Variants in ADAMTS9 observed in about 807,000 individuals in gnomAD.
The protein encoded by ADAMTS9 is ADAM metallopeptidase with thrombospondin type 1 motif 9, also known as A disintegrin and metalloproteinase with thrombospondin motifs 9.
ADAMTS9 carries 107 observed loss-of-function variants against 257.1 expected under a neutral mutation model. That is an observed-to-expected ratio of 0.42 (90% confidence interval 0.36 to 0.49). The LOEUF is 0.49. ADAMTS9 is among the 20% of genes least tolerant of loss of function. The pLI is 0.03. For synonymous variants in ADAMTS9, 982 were observed against 880.9 expected (o/e 1.11, Z -2.03); for missense variants, 2,353 against 2,469.1 (o/e 0.95, Z 1.00).
At chr3:64,552,011 G>A (rs922836449) in intron 30 of ADAMTS9, among the ~76,000 whole-genome samples, 2 of 152,230 alleles carry the variant, frequency 1.3e-5, no homozygotes, top group Non-Finnish European at 2.9e-5. Flanking sequence ...GTGAACAAGA[G>A]TGCACACAAA....
intron 3 of ADAMTS9, among the ~76,000 whole-genome samples, chr3:64,677,436 T>C (rs997602298): frequency 5.9e-5 from 9 of 152,274 alleles, no homozygotes; most frequent in African/African-American, 2.2e-4. Context: ...AAATGTTGCA[T>C]TGGGTACAGA....
At chr3:64,524,023 A>C (rs1435913957) in intron 38 of ADAMTS9, among the ~76,000 whole-genome samples, 4 of 152,196 alleles carry the variant, frequency 2.6e-5, no homozygotes, top group Non-Finnish European at 5.9e-5. Flanking sequence ...ACAGTGATAA[A>C]GTAATTTCAC....
At chr3:64,582,174 G>A (rs572259137) in intron 28 of ADAMTS9, among the ~76,000 whole-genome samples, 1 of 152,264 alleles carries the variant, frequency 6.6e-6, no homozygotes, top group East Asian at 1.9e-4. Flanking sequence ...ATCTGCTAGA[G>A]GAGCAAAGAT....
intron 32 of ADAMTS9, among the ~76,000 whole-genome samples, chr3:64,545,371 A>G (rs908826613): frequency 6.6e-6 from 1 of 152,256 alleles, no homozygotes; most frequent in Non-Finnish European, 1.5e-5. Flanking sequence ...ATGTCCACCA[A>G]TGATAGACTG....
Position 64,522,417 on chromosome 3 carries a change from C to T in ADAMTS9, c.5719-157G>A. 7.3e-6 allele frequency: 4 copies of T among 545,804 alleles called. No individual in the cohort carries two copies. The South Asian group carries it at 9.3e-5, about 13-fold the overall frequency. The allele number at this position is 545,804 out of a possible 1,614,324, so 33.8% of individuals were successfully genotyped here. A position where few individuals can be genotyped will look rare whatever the true frequency, so the allele number is the denominator to read the frequency against. ...CACCATGGTCTAAAGCAGGGGCTGG[C>T]AAACTTCAGCCTGTGAGCCAAATCC... On this transcript the variant is annotated intron_variant, in intron 38 of 39. Coordinates refer to ENST00000498707, the MANE Select transcript of ADAMTS9 (RefSeq NM_182920.2).
intron 11 of ADAMTS9, among the ~76,000 whole-genome samples, chr3:64,644,022 C>A (rs11916325): frequency 0.25 from 38,612 of 151,914 alleles, 5,086 homozygotes; most frequent in Admixed American, 0.29. Flanking sequence ...TTTCCACAAT[C>A]AAAAAATGGG....
chr3:64,540,345 C>T (rs772752447), intron 36 of ADAMTS9, among the ~76,000 whole-genome samples: 5 of 152,070 alleles, frequency 3.3e-5, no homozygotes, highest in Non-Finnish European at 2.9e-5. Context: ...TTCTGTTTTT[C>T]CTTTATGCAA....
chr3:64,613,983 C>G (rs1443262378), intron 21 of ADAMTS9, among the ~76,000 whole-genome samples: 1 of 152,108 alleles, frequency 6.6e-6, no homozygotes, highest in East Asian at 1.9e-4. Context: ...TTAATAAATG[C>G]CAAATGTAAT....
Position 64,660,997 on chromosome 3 carries a change from G to C in ADAMTS9, c.680-2206C>G, listed in dbSNP as rs571996074. On this transcript the variant is annotated intron_variant, in intron 3 of 39. Coordinates refer to ENST00000498707, the MANE Select transcript of ADAMTS9 (RefSeq NM_182920.2). The stretch of plus-strand genomic sequence containing the variant: ...TTTAAGATGGAAAGGCATTAAATTT[G>C]TGGTTGGAAGACAGGAACAGAAACT... 1.0e-3 allele frequency among the ~76,000 whole-genome samples: 155 copies of C among 152,300 alleles called. 1 individual carries two copies. The highest frequency in any genetic ancestry group is 8.8e-5 in the Non-Finnish European group (6 of 68,032).
intron 30 of ADAMTS9, among the ~76,000 whole-genome samples, chr3:64,556,122 A>C (rs1382184265): frequency 2.6e-5 from 4 of 152,138 alleles, no homozygotes; most frequent in Non-Finnish European, 5.9e-5. Context: ...ATCATTCTAC[A>C]GCTGATCTTA....
At position 64,676,307 on chromosome 3, in the gene ADAMTS9, T is replaced by C. The variant is rs544540331; in HGVS notation, c.679+4894A>G. Among the ~76,000 whole-genome samples, 8 of 152,240 alleles carry C rather than the reference T, an allele frequency of 5.3e-5. No homozygotes were observed. The South Asian group carries it at 1.7e-3, about 32-fold the overall frequency. Reference sequence around the variant, plus strand: ...AGTTCAATAGGTCTAGCAAAATAAATCCATGCCACTATCCCTGTTTCATTT... The same window carrying C: ...AGTTCAATAGGTCTAGCAAAATAAACCCATGCCACTATCCCTGTTTCATTT... On this transcript the variant is annotated intron_variant, in intron 3 of 39. Coordinates refer to ENST00000498707, the MANE Select transcript of ADAMTS9 (RefSeq NM_182920.2).
At chr3:64,561,328 T>G in intron 30 of ADAMTS9, 1 of 319,708 alleles carries the variant, frequency 3.1e-6, no homozygotes, top group Non-Finnish European at 5.6e-6. Flanking sequence ...AAAGTTTTTT[T>G]TTTTTTTTTT....
rs114312139 is a variant in ADAMTS9 at position 64,668,742 on chromosome 3, C to T, written c.680-9951G>A. Among the ~76,000 whole-genome samples the T allele has an allele frequency of 4.7e-3, 710 of 152,278 alleles. 8 individuals carry two copies. The highest frequency in any genetic ancestry group is 7.0e-3 in the South Asian group (34 of 4,828). On this transcript the variant is annotated intron_variant, in intron 3 of 39. Transcript: ENST00000498707. ...TGGAACGAAGTGGCTCCCAGGCCTG[C>T]CGCTGGGATCTGCCTGCTATCTGAC...
chr3:64,542,480 T>C (rs1388659439), intron 32 of ADAMTS9, among the ~76,000 whole-genome samples: 1 of 144,580 alleles, frequency 6.9e-6, no homozygotes, highest in Non-Finnish European at 1.5e-5. Flanking sequence ...TAGGCCGGAG[T>C]GCAATGGCAC....
intron 37 of ADAMTS9, among the ~76,000 whole-genome samples, chr3:64,536,156 G>T (rs2083047446): frequency 6.6e-6 from 1 of 152,132 alleles, no homozygotes; most frequent in African/African-American, 2.4e-5. Flanking sequence ...CTTCCCAGAG[G>T]GGTTGATGAA....
chr3:64,532,148 C>A (rs1352586684), intron 38 of ADAMTS9, among the ~76,000 whole-genome samples: 2 of 152,188 alleles, frequency 1.3e-5, no homozygotes, highest in Non-Finnish European at 2.9e-5. Context: ...ACACAGTCGA[C>A]ACGCTCCTCA....
At chr3:64,574,492 G>C (rs2083779049) in intron 28 of ADAMTS9, among the ~76,000 whole-genome samples, 2 of 150,072 alleles carry the variant, frequency 1.3e-5, no homozygotes, top group Non-Finnish European at 2.9e-5. Context: ...GGAGGCAGAG[G>C]TGGGAGGATC....
intron 23 of ADAMTS9, among the ~76,000 whole-genome samples, chr3:64,606,630 C>T (rs949983784): frequency 6.6e-5 from 10 of 152,232 alleles, no homozygotes; most frequent in African/African-American, 2.4e-4. Flanking sequence ...AGCAAATCAC[C>T]GCCTGAACAT....
chr3:64,591,472 A>G (rs1360867124), intron 28 of ADAMTS9, among the ~76,000 whole-genome samples: 1 of 152,038 alleles, frequency 6.6e-6, no homozygotes, highest in Non-Finnish European at 1.5e-5. Flanking sequence ...TCAAAAACAA[A>G]CACTACCAAA....
Sources: allele counts gnomAD v4.1 joint callset (sites outside exome capture counted in the v4.1 genomes callset), GRCh38; gene constraint gnomAD v4.1.1; transcripts MANE v1.5; gene names NCBI Gene and HGNC (gene_info 2026-07-23, HGNC 2026-07-21).